Variants in RFX3 observed in about 807,000 individuals in gnomAD.
RFX3 encodes the protein regulatory factor X3.
In RFX3, 14 loss-of-function variants were observed where a neutral mutation model predicts 98.6. That is an observed-to-expected ratio of 0.14 (90% CI 0.09 to 0.22). The LOEUF is 0.22. RFX3 is among the 10% of genes least tolerant of loss of function. RFX3 has a pLI of 1.00. For missense variants in RFX3, 639 were observed against 926.9 expected (o/e 0.69, Z 4.03); for synonymous variants, 383 against 328.4 (o/e 1.17, Z -1.80).
Position 3,256,287 on chromosome 9 carries a change from G to A in RFX3, c.1814+704C>T, listed in dbSNP as rs151006922. 2.7e-3 allele frequency among the ~76,000 whole-genome samples: 403 copies of A among 151,038 alleles called. 2 individuals carry two copies. The highest frequency in any genetic ancestry group is 8.9e-3 in the African/African-American group (367 of 41,228). On this transcript the variant is annotated intron_variant, in intron 14 of 16. Coordinates refer to ENST00000617270, the MANE Select transcript of RFX3 (RefSeq NM_001282116.2). ...GCCCAGCCACTAATCACTATCTCTT[G>A]ACCACCAAGATTTTGATTTAGTAGG...
intron 1 of RFX3, among the ~76,000 whole-genome samples, chr9:3,502,984 T>C (rs1239888713): frequency 1.3e-5 from 2 of 152,156 alleles, no homozygotes. Context: ...TGTTTCCTAA[T>C]CAAAAGAGTT....
At chr9:3,327,744 T>C (rs2130844445) in intron 4 of RFX3, among the ~76,000 whole-genome samples, 1 of 152,268 alleles carries the variant, frequency 6.6e-6, no homozygotes, top group Non-Finnish European at 1.5e-5. Context: ...AGTTTTCAAC[T>C]ATTCCCAGTT....
intron 5 of RFX3, among the ~76,000 whole-genome samples, chr9:3,299,822 A>G (rs1355454963): frequency 6.6e-6 from 1 of 151,794 alleles, no homozygotes; most frequent in Admixed American, 6.6e-5. Context: ...TATATAAGAA[A>G]CATGTTCTTA....
intron 1 of RFX3, among the ~76,000 whole-genome samples, chr9:3,516,914 T>C (rs758513067): frequency 6.6e-6 from 1 of 152,208 alleles, no homozygotes; most frequent in Non-Finnish European, 1.5e-5. Context: ...CTAATTCCTA[T>C]GTGGGTGAGA....
intron 2 of RFX3, among the ~76,000 whole-genome samples, chr9:3,390,449 C>T (rs183335030): frequency 6.8e-4 from 104 of 152,238 alleles, no homozygotes; most frequent in African/African-American, 9.6e-4. Flanking sequence ...GATAATGATA[C>T]GGACTATGAA....
chr9:3,455,551 G>T (rs567016562), intron 1 of RFX3, among the ~76,000 whole-genome samples: 7 of 152,140 alleles, frequency 4.6e-5, no homozygotes, highest in Non-Finnish European at 1.0e-4. Context: ...TAAAAAGGAG[G>T]TCAGTTTTTC....
intron 7 of RFX3, among the ~76,000 whole-genome samples, chr9:3,287,498 T>A (rs1053443129): frequency 6.6e-6 from 1 of 151,986 alleles, no homozygotes; most frequent in Admixed American, 6.6e-5. Flanking sequence ...CTGGGACTCA[T>A]CTGAAAAAAC....
At chr9:3,501,026 T>C (rs1490804547) in intron 1 of RFX3, among the ~76,000 whole-genome samples, 2 of 152,214 alleles carry the variant, frequency 1.3e-5, no homozygotes, top group African/African-American at 2.4e-5. Flanking sequence ...CTGGTATTCA[T>C]TGGGTCCTTG....
intron 2 of RFX3, among the ~76,000 whole-genome samples, chr9:3,381,753 A>G (rs1308192692): frequency 6.6e-6 from 1 of 152,184 alleles, no homozygotes; most frequent in Non-Finnish European, 1.5e-5. Context: ...CAAAGCTATC[A>G]ATACTTAATA....
At chr9:3,473,097 T>A (rs1038525334) in intron 1 of RFX3, among the ~76,000 whole-genome samples, 1 of 152,192 alleles carries the variant, frequency 6.6e-6, no homozygotes, top group Non-Finnish European at 1.5e-5. Flanking sequence ...AGAGTCTGGA[T>A]CGACTTATAT....
intron 1 of RFX3, among the ~76,000 whole-genome samples, chr9:3,505,284 A>AT (rs1209937768): frequency 1.6e-5 from 1 of 61,134 alleles, no homozygotes; most frequent in Non-Finnish European, 2.6e-5. Flanking sequence ...GAATATATAC[A>AT]TTTTTATATT....
intron 14 of RFX3, among the ~76,000 whole-genome samples, chr9:3,253,808 C>A (rs147005570): frequency 1.8e-3 from 274 of 152,224 alleles, no homozygotes; most frequent in Non-Finnish European, 2.4e-3. Context: ...TACAAATTTA[C>A]AAATTTTTGG....
chr9:3,307,615 A>G (rs1829478367), intron 4 of RFX3, among the ~76,000 whole-genome samples: 1 of 152,200 alleles, frequency 6.6e-6, no homozygotes, highest in Non-Finnish European at 1.5e-5. Context: ...AAATGAACAC[A>G]ATGGCCTTTA....
chr9:3,488,360 T>C (rs914852866), intron 1 of RFX3, among the ~76,000 whole-genome samples: 1 of 152,200 alleles, frequency 6.6e-6, no homozygotes, highest in Non-Finnish European at 1.5e-5. Flanking sequence ...AAAAGTATAC[T>C]ATGGAAACGC....
intron 1 of RFX3, among the ~76,000 whole-genome samples, chr9:3,500,077 T>C (rs1417806694): frequency 2.0e-5 from 3 of 152,094 alleles, no homozygotes; most frequent in East Asian, 3.8e-4. Flanking sequence ...TCTCTAAAAG[T>C]ACCCCAGAGC....
At chr9:3,257,632 G>A (rs1822305445) in intron 13 of RFX3, among the ~76,000 whole-genome samples, 1 of 152,052 alleles carries the variant, frequency 6.6e-6, no homozygotes, top group Non-Finnish European at 1.5e-5. Context: ...GAAGATTTAG[G>A]GTAAGTCAGA....
At chr9:3,288,099 T>A (rs1826877057) in intron 7 of RFX3, 32 bp downstream of exon 7, 2 of 1,610,632 alleles carry the variant, frequency 1.2e-6, no homozygotes, top group African/African-American at 2.7e-5. Context: ...AATACATAGC[T>A]TGGACACATC....
intron 16 of RFX3, 104 bp from the exon 17 acceptor site, chr9:3,225,384 C>G (rs530493202): frequency 6.8e-7 from 1 of 1,478,454 alleles, no homozygotes; most frequent in South Asian, 1.4e-5. Context: ...ACGAAAGCAA[C>G]AGCTTAGCTC....
intron 1 of RFX3, among the ~76,000 whole-genome samples, chr9:3,426,154 C>T (rs1242773855): frequency 2.0e-5 from 3 of 152,020 alleles, no homozygotes; most frequent in Non-Finnish European, 4.4e-5. Context: ...GCACAAAAGA[C>T]AGTTTATTGG....
Sources: allele counts gnomAD v4.1 joint callset (sites outside exome capture counted in the v4.1 genomes callset), GRCh38; gene constraint gnomAD v4.1.1; transcripts MANE v1.5; gene names NCBI Gene and HGNC (gene_info 2026-07-23, HGNC 2026-07-21).